Variants in RSU1 observed in about 807,000 individuals in gnomAD.
RSU1 encodes Ras suppressor protein 1.
In RSU1, 26 loss-of-function variants were observed where a neutral mutation model predicts 31.1. That is an observed-to-expected ratio of 0.84 (90% CI 0.61 to 1.16). The LOEUF (loss-of-function observed/expected upper bound fraction) is 1.16, where lower values mean the gene tolerates loss of function less well. Ranked by LOEUF, RSU1 falls within the 50% of genes most tolerant of loss-of-function variation. RSU1 has a pLI of 0.00. For synonymous variants in RSU1, 164 were observed against 136.3 expected, an observed-to-expected ratio of 1.20 and a Z score of -1.41; for missense variants, 320 against 339.1, an observed-to-expected ratio of 0.94 and a Z score of 0.44.
chr10:16,714,119 G>A (rs76008704), intron 7 of RSU1, among the ~76,000 whole-genome samples: 1,908 of 152,210 alleles, frequency 0.013, 47 homozygotes, highest in African/African-American at 0.043. Context: ...AGGGAGGTGG[G>A]GCCACCACTA....
intron 7 of RSU1, among the ~76,000 whole-genome samples, chr10:16,735,257 G>T (rs1008643954): frequency 6.6e-6 from 1 of 152,156 alleles, no homozygotes; most frequent in African/African-American, 2.4e-5. Flanking sequence ...GAATAAAGAT[G>T]AAAATGGTCT....
chr10:16,736,286 G>A (rs1277819886), intron 7 of RSU1, among the ~76,000 whole-genome samples: 1 of 152,122 alleles, frequency 6.6e-6, no homozygotes, highest in African/African-American at 2.4e-5. Flanking sequence ...AACTACCAGG[G>A]AAAGACCAAT....
intron 2 of RSU1, among the ~76,000 whole-genome samples, chr10:16,784,555 C>T (rs1355304132): frequency 2.6e-5 from 4 of 152,126 alleles, no homozygotes; most frequent in African/African-American, 9.7e-5. Flanking sequence ...TGTTCTCACG[C>T]TGCTAGTAAA....
At chr10:16,759,207 A>G (rs1334440847) in intron 4 of RSU1, among the ~76,000 whole-genome samples, 1 of 152,152 alleles carries the variant, frequency 6.6e-6, no homozygotes, top group African/African-American at 2.4e-5. Flanking sequence ...ATAAAAATTT[A>G]AAAAAATCCA....
intron 7 of RSU1, among the ~76,000 whole-genome samples, chr10:16,741,098 C>A (rs534627815): frequency 6.6e-6 from 1 of 152,132 alleles, no homozygotes; most frequent in Non-Finnish European, 1.5e-5. Flanking sequence ...GTGTGGTACT[C>A]GCATAAGGAT....
At chr10:16,744,902 C>T (rs1461638882) in intron 7 of RSU1, among the ~76,000 whole-genome samples, 1 of 152,186 alleles carries the variant, frequency 6.6e-6, no homozygotes, top group African/African-American at 2.4e-5. Context: ...TCGCTTTTCT[C>T]TTCTGACCCT....
intron 2 of RSU1, among the ~76,000 whole-genome samples, chr10:16,783,363 G>GTTTTTTTTTT (rs1837698142): frequency 3.2e-5 from 3 of 92,810 alleles, no homozygotes; most frequent in African/African-American, 1.6e-4. Context: ...CACAACTTTT[G>GTTTTTTTTTT]CTTTTTTTTT....
chr10:16,649,681 C>G (rs1412003658), intron 8 of RSU1, among the ~76,000 whole-genome samples: 3 of 152,112 alleles, frequency 2.0e-5, no homozygotes, highest in Non-Finnish European at 2.9e-5. Context: ...GAACTATTTA[C>G]TGAATTTAGT....
intron 7 of RSU1, chr10:16,727,247 T>C (rs780627504): frequency 1.2e-5 from 5 of 426,644 alleles, no homozygotes; most frequent in Admixed American, 9.9e-5. Context: ...TTTGTTATAA[T>C]TTCACAGAGG....
chr10:16,699,902 A>G (rs1835753189), intron 7 of RSU1, among the ~76,000 whole-genome samples: 2 of 152,254 alleles, frequency 1.3e-5, no homozygotes, highest in Non-Finnish European at 2.9e-5. Context: ...TATTACCTGC[A>G]AAACGACCAC....
rs371856760 is a variant in RSU1 at position 16,782,235 on chromosome 10, C to G, written c.110-151G>C. On this transcript the variant is annotated intron_variant, in intron 2 of 8. Coordinates refer to ENST00000345264, the MANE Select transcript of RSU1 (RefSeq NM_012425.4). ...AATAGAAGCTAGGATTCATGTAACACGATCTATTCAATGTTAAACCAAAGG... is the reference window on the plus strand; with the variant it reads ...AATAGAAGCTAGGATTCATGTAACAGGATCTATTCAATGTTAAACCAAAGG... 78 of 621,352 alleles carry G rather than the reference C, an allele frequency of 1.3e-4. No homozygotes were observed. In the African/African-American group the frequency reaches 1.3e-3, roughly 10 times the overall value. 38.5% of individuals were successfully genotyped at this position (621,352 alleles called of 1,614,324 possible).
intron 2 of RSU1, 70 bp downstream of exon 2, chr10:16,816,903 C>G: frequency 9.3e-7 from 1 of 1,076,238 alleles, no homozygotes; most frequent in Non-Finnish European, 1.4e-6. Flanking sequence ...CACAGCAGGA[C>G]CAGCAGTGAA....
At chr10:16,731,093 C>T (rs113277784) in intron 7 of RSU1, among the ~76,000 whole-genome samples, 1,747 of 152,220 alleles carry the variant, frequency 0.011, 31 homozygotes, top group African/African-American at 0.04. Flanking sequence ...GGATTACAGA[C>T]GTGAGCCATG....
chr10:16,722,883 T>C (rs556175770), intron 7 of RSU1, among the ~76,000 whole-genome samples: 14 of 149,166 alleles, frequency 9.4e-5, no homozygotes, highest in Admixed American at 7.5e-4. Context: ...TATACACACA[T>C]ATACATATAT....
At chr10:16,635,490 A>G (rs1223627600) in intron 8 of RSU1, among the ~76,000 whole-genome samples, 2 of 152,310 alleles carry the variant, frequency 1.3e-5, no homozygotes, top group South Asian at 2.1e-4. Flanking sequence ...GCAGCCTACC[A>G]TGCTGCTACT....
intron 7 of RSU1, among the ~76,000 whole-genome samples, chr10:16,720,231 C>A (rs1836225890): frequency 6.6e-6 from 1 of 152,150 alleles, no homozygotes; most frequent in Non-Finnish European, 1.5e-5. Context: ...AGGCAACTGG[C>A]TGATTATCCC....
chr10:16,652,832 C>T (rs1834710793), intron 8 of RSU1, among the ~76,000 whole-genome samples: 1 of 151,786 alleles, frequency 6.6e-6, no homozygotes, highest in South Asian at 2.1e-4. Flanking sequence ...ACAGGTGCAC[C>T]ACCATGCCTG....
intron 3 of RSU1, among the ~76,000 whole-genome samples, chr10:16,779,542 A>T (rs1003520370): frequency 6.6e-6 from 1 of 152,160 alleles, no homozygotes; most frequent in Admixed American, 6.5e-5. Flanking sequence ...TGAGTACATA[A>T]GTGGAAATGT....
chr10:16,593,379 A>G lies in RSU1; in HGVS notation c.*15T>C, dbSNP rs2131447822. The G allele has an allele frequency of 6.2e-7, 1 of 1,614,124 alleles. No homozygotes were observed. Among genetic ancestry groups the G allele is most frequent in the East Asian group, 2.2e-5 (1 of 44,872 alleles). Reference sequence around the variant, plus strand: ...AGAGAAGGTGCTGGAAGGCCAGCCGATGCCAATCCCTTCCTTATCTGTTCT... The same window carrying G: ...AGAGAAGGTGCTGGAAGGCCAGCCGGTGCCAATCCCTTCCTTATCTGTTCT... On this transcript the variant is annotated 3_prime_UTR_variant, in exon 9 of 9. Coordinates refer to ENST00000345264, the MANE Select transcript of RSU1 (RefSeq NM_012425.4).
Sources: allele counts gnomAD v4.1 joint callset (sites outside exome capture counted in the v4.1 genomes callset), GRCh38; gene constraint gnomAD v4.1.1; transcripts MANE v1.5; gene names NCBI Gene and HGNC (gene_info 2026-07-23, HGNC 2026-07-21).